KSR2: variants seen among roughly 807,000 people sequenced by gnomAD.
The protein encoded by KSR2 is kinase suppressor of ras 2.
KSR2 carries 25 observed loss-of-function variants against 107.8 expected under a neutral mutation model. That is an observed-to-expected ratio of 0.23 (90% CI 0.17 to 0.32). KSR2 has a LOEUF of 0.32. Ranked by LOEUF, KSR2 falls within the 10% of genes least tolerant of loss-of-function variation. The pLI is 1.00. For missense variants in KSR2, 887 were observed against 1,268.9 expected, an observed-to-expected ratio of 0.70 and a Z score of 4.57; for synonymous variants, 480 against 507.0, an observed-to-expected ratio of 0.95 and a Z score of 0.71.
chr12:117,527,338 C>CACACACACAG (rs1471132115), intron 12 of KSR2, among the ~76,000 whole-genome samples: 2 of 117,752 alleles, frequency 1.7e-5, no homozygotes, highest in Admixed American at 1.6e-4. Flanking sequence ...CACACACACA[C>CACACACACAG]ACACACACAG....
Position 117,520,398 on chromosome 12 carries a change from A to G in KSR2, c.2219+4454T>C, listed in dbSNP as rs371253643. Among the ~76,000 whole-genome samples the G allele has an allele frequency of 1.1e-4, 16 of 152,290 alleles. No individual in the cohort carries two copies. In the East Asian group the frequency reaches 3.1e-3, roughly 29 times the overall value. On this transcript the variant is annotated intron_variant, in intron 14 of 19. Coordinates refer to ENST00000339824, the MANE Select transcript of KSR2 (RefSeq NM_173598.6). ...ACCCCACAACCAGGGAACTGATTTCAGCAAAAAGGCTCAGCCACGCCACCT... is the reference window on the plus strand; with the variant it reads ...ACCCCACAACCAGGGAACTGATTTCGGCAAAAAGGCTCAGCCACGCCACCT...
intron 1 of KSR2, among the ~76,000 whole-genome samples, chr12:117,935,297 G>A (rs1160735841): frequency 6.6e-6 from 1 of 152,098 alleles, no homozygotes; most frequent in African/African-American, 2.4e-5. Flanking sequence ...ACCACACCCT[G>A]CTTGCAGTCT....
intron 5 of KSR2, among the ~76,000 whole-genome samples, chr12:117,621,017 C>T (rs1247758904): frequency 2.6e-5 from 4 of 152,074 alleles, no homozygotes; most frequent in Admixed American, 2.6e-4. Flanking sequence ...AATTTGGAGG[C>T]AGTTGATATG....
At chr12:117,750,824 CA>C (rs1888586632) in intron 4 of KSR2, among the ~76,000 whole-genome samples, 1 of 152,186 alleles carries the variant, frequency 6.6e-6, no homozygotes, top group Non-Finnish European at 1.5e-5. Flanking sequence ...CATGTTGCCA[CA>C]AGGGACATAA....
intron 5 of KSR2, among the ~76,000 whole-genome samples, chr12:117,663,960 A>G (rs1884544018): frequency 6.6e-6 from 1 of 152,190 alleles, no homozygotes; most frequent in Admixed American, 6.5e-5. Context: ...GCAAGGGTGG[A>G]GAGATAAGTC....
intron 3 of KSR2, among the ~76,000 whole-genome samples, chr12:117,840,570 AT>A (rs1892426481): frequency 6.6e-6 from 1 of 151,928 alleles, no homozygotes; most frequent in East Asian, 2.0e-4. Flanking sequence ...CAAATTTTAT[AT>A]TTTTAGTGGA....
At chr12:117,948,179 T>C (rs189161454) in intron 1 of KSR2, among the ~76,000 whole-genome samples, 77 of 152,336 alleles carry the variant, frequency 5.1e-4, no homozygotes, top group African/African-American at 1.8e-3. Context: ...CCAGGCACAG[T>C]GGCTTATGCC....
At chr12:117,901,033 A>C (rs1486084731) in intron 1 of KSR2, among the ~76,000 whole-genome samples, 1 of 152,130 alleles carries the variant, frequency 6.6e-6, no homozygotes, top group Non-Finnish European at 1.5e-5. Flanking sequence ...GGACTCTTCC[A>C]AAAAAAGTCA....
chr12:117,937,831 G>A (rs896486690), intron 1 of KSR2, among the ~76,000 whole-genome samples: 4 of 150,976 alleles, frequency 2.6e-5, no homozygotes, highest in Non-Finnish European at 4.4e-5. Context: ...TTAGCCAGGC[G>A]TGGCAGTGCA....
intron 4 of KSR2, among the ~76,000 whole-genome samples, chr12:117,744,264 G>A (rs1042996246): frequency 7.2e-5 from 11 of 152,084 alleles, no homozygotes; most frequent in Non-Finnish European, 1.6e-4. Context: ...TGTTTACTGT[G>A]AGAATCAATT....
chr12:117,879,066 C>A (rs1042590184), intron 1 of KSR2, among the ~76,000 whole-genome samples: 1 of 152,084 alleles, frequency 6.6e-6, no homozygotes, highest in African/African-American at 2.4e-5. Flanking sequence ...TCCCCTCCTA[C>A]TGCCTGGAAA....
intron 5 of KSR2, among the ~76,000 whole-genome samples, chr12:117,610,057 C>T (rs1351147005): frequency 2.0e-5 from 3 of 152,132 alleles, no homozygotes; most frequent in South Asian, 2.1e-4. Context: ...CCCTGGATGG[C>T]GGCAGCTTGG....
At chr12:117,467,901 G>A in intron 19 of KSR2, 2 of 310,264 alleles carry the variant, frequency 6.4e-6, no homozygotes, top group South Asian at 2.0e-5. Context: ...ATCCTATTCT[G>A]CTAGACCACA....
intron 16 of KSR2, among the ~76,000 whole-genome samples, chr12:117,479,724 G>A (rs1310257693): frequency 1.3e-5 from 2 of 152,220 alleles, no homozygotes; most frequent in African/African-American, 4.8e-5. Context: ...CTACACAAAA[G>A]ACATGATACA....
At chr12:117,752,683 T>C (rs907135299) in intron 4 of KSR2, among the ~76,000 whole-genome samples, 3 of 152,238 alleles carry the variant, frequency 2.0e-5, no homozygotes, top group Non-Finnish European at 4.4e-5. Flanking sequence ...ATTGCAATTA[T>C]AATTGAAAAA....
At chr12:117,534,905 T>TG (rs1204811358) in intron 10 of KSR2, among the ~76,000 whole-genome samples, 2 of 152,110 alleles carry the variant, frequency 1.3e-5, no homozygotes, top group Non-Finnish European at 2.9e-5. Flanking sequence ...GGCAAGGAGA[T>TG]GGATTCTCCC....
At chr12:117,957,560 C>G (rs1896549982) in intron 1 of KSR2, among the ~76,000 whole-genome samples, 1 of 152,088 alleles carries the variant, frequency 6.6e-6, no homozygotes, top group Admixed American at 6.6e-5. Flanking sequence ...TCCCTCTTCC[C>G]AACAGTTGGG....
chr12:117,968,579 GGGAGGA>G lies in KSR2; in HGVS notation c.-330_-325del. The G allele has an allele frequency of 8.2e-6, 6 of 733,422 alleles. No homozygotes were observed. Among genetic ancestry groups the G allele is most frequent in the South Asian group, 6.2e-5 (1 of 16,204 alleles). 45.4% of individuals were successfully genotyped at this position (733,422 alleles called of 1,614,324 possible). A position where few individuals can be genotyped will look rare whatever the true frequency, so the allele number is the denominator to read the frequency against. ...TGATGTGATGCTGTCTGTACACTTA[GGGAGGA>G]GGAGGAGGAGGAAAAAGAAGAGGAG... On this transcript the variant is annotated 5_prime_UTR_variant, in exon 1 of 20. Transcript: ENST00000339824.
At chr12:117,788,875 T>C (rs1890166716) in intron 3 of KSR2, among the ~76,000 whole-genome samples, 1 of 152,194 alleles carries the variant, frequency 6.6e-6, no homozygotes. Context: ...AGTTGAATAT[T>C]CTATGATTCT....
Sources: gnomAD v4.1 joint callset for allele counts (sites outside exome capture counted in the v4.1 genomes callset) on GRCh38, gnomAD v4.1.1 for gene constraint, MANE v1.5 for transcripts, NCBI Gene and HGNC (gene_info 2026-07-23, HGNC 2026-07-21) for gene names.